The following ATP10B variants were observed in gnomAD, a reference collection of about 807,000 sequenced individuals.
ATP10B encodes ATPase phospholipid transporting 10B (putative).
In ATP10B, 122 loss-of-function variants were observed where a neutral mutation model predicts 141.2. The observed-to-expected ratio is 0.86, with a 90% CI of 0.75 to 1.00. The LOEUF is 1.00. ATP10B is among the 50% of genes least tolerant of loss of function. The probability of loss-of-function intolerance (pLI) is 0.00; values close to 1 mark genes in which losing one functional copy is unlikely to be tolerated. For missense variants in ATP10B, 1,876 were observed against 1,825.3 expected (o/e 1.03, Z -0.51); for synonymous variants, 685 against 692.0 (o/e 0.99, Z 0.16).
intron 24 of ATP10B, among the ~76,000 whole-genome samples, chr5:160,570,558 G>A (rs1462526945): frequency 6.6e-6 from 1 of 152,114 alleles, no homozygotes; most frequent in Non-Finnish European, 1.5e-5. Context: ...TTACACACGA[G>A]ATTTAGAGCA....
chr5:160,800,570 T>C (rs1284442473), intron 1 of ATP10B, among the ~76,000 whole-genome samples: 1 of 152,246 alleles, frequency 6.6e-6, no homozygotes, highest in African/African-American at 2.4e-5. Flanking sequence ...CTACAGTGTT[T>C]TGTACAAAGT....
In ATP10B at chr5:160,767,641, C is replaced by A. The variant is rs4921330; in HGVS notation, c.-331+17918G>T. ...TGAGGGTCATGTGTGCAGAACCCCCCCCCCCAAAATAACAGGTTACTCTGA... is the reference window on the plus strand; with the variant it reads ...TGAGGGTCATGTGTGCAGAACCCCCACCCCCAAAATAACAGGTTACTCTGA... On this transcript the variant is annotated intron_variant, in intron 2 of 25. Transcript: ENST00000327245. Among the ~76,000 whole-genome samples, 81 of 114,182 alleles carry A rather than the reference C, an allele frequency of 7.1e-4. 12 individuals are homozygous for A. Among genetic ancestry groups the A allele is most frequent in the Middle Eastern group, 5.0e-3 (1 of 200 alleles). The allele number at this position is 114,182 out of a possible 152,430, so 74.9% of individuals were successfully genotyped here. A position where few individuals can be genotyped will look rare whatever the true frequency, so the allele number is the denominator to read the frequency against.
chr5:160,749,706 T>C (rs986150470), intron 2 of ATP10B, among the ~76,000 whole-genome samples: 1 of 152,178 alleles, frequency 6.6e-6, no homozygotes, highest in Non-Finnish European at 1.5e-5. Context: ...GTTCAGCCTT[T>C]GAAGAAAAGC....
chr5:160,789,678 G>T (rs868614285), intron 1 of ATP10B, among the ~76,000 whole-genome samples: 1 of 152,142 alleles, frequency 6.6e-6, no homozygotes, highest in Admixed American at 6.6e-5. Context: ...AATGCCAAGC[G>T]TAATTATTGG....
At chr5:160,644,337 A>G in intron 8 of ATP10B, 93 bp from the exon 9 acceptor site, 1 of 836,948 alleles carries the variant, frequency 1.2e-6, no homozygotes, top group Non-Finnish European at 2.1e-6. Flanking sequence ...GTGAGTGAAC[A>G]TGATCCCTCT....
intron 2 of ATP10B, among the ~76,000 whole-genome samples, chr5:160,767,855 C>T (rs1181023900): frequency 6.6e-6 from 1 of 151,980 alleles, no homozygotes; most frequent in Non-Finnish European, 1.5e-5. Context: ...AACTTGGTAT[C>T]CTTGGTAATT....
intron 13 of ATP10B, among the ~76,000 whole-genome samples, chr5:160,628,392 A>G (rs1758721404): frequency 1.3e-5 from 2 of 152,228 alleles, no homozygotes; most frequent in Admixed American, 1.3e-4. Context: ...GATTCTGTGT[A>G]CTTGGCTAAT....
At chr5:160,723,618 T>C (rs1222298178) in intron 2 of ATP10B, among the ~76,000 whole-genome samples, 1 of 152,192 alleles carries the variant, frequency 6.6e-6, no homozygotes, top group African/African-American at 2.4e-5. Context: ...GTGTCATTCT[T>C]ATTTCTCTCT....
chr5:160,893,540 G>A, the ATP10B span, among the ~76,000 whole-genome samples: 1 of 152,194 alleles, frequency 6.6e-6, no homozygotes, highest in Non-Finnish European at 1.5e-5. Context: ...AAAGGCAGCA[G>A]CCCCAATCAA....
chr5:160,606,931 G>T lies in ATP10B; in HGVS notation c.2994C>A (p.Ile998=), dbSNP rs372284579. 1.6e-5 allele frequency: 26 copies of T among 1,614,118 alleles called. No homozygotes were observed. Among genetic ancestry groups the T allele is most frequent in the Non-Finnish European group, 2.1e-5 (25 of 1,180,020 alleles). The part of the protein sequence containing the change: ...EAVVPEAGLV[I]DGKTLNAIFQ... ...AGATGGCATTCAATGTCTTCCCATC[G>T]ATGACCAATCCAGCTTCTGGAACCA... is the stretch of plus-strand genomic sequence containing the variant. The change falls in exon 19 of 26, where the codon ATC becomes ATA. Residue 998 remains isoleucine, a synonymous_variant. Transcript: ENST00000327245.
At chr5:160,700,429 T>C (rs1166859969) in intron 3 of ATP10B, among the ~76,000 whole-genome samples, 1 of 152,214 alleles carries the variant, frequency 6.6e-6, no homozygotes, top group Non-Finnish European at 1.5e-5. Flanking sequence ...CCTCGACTTA[T>C]GTCAAGTCCA....
Position 160,836,133 on chromosome 5 carries a change from A to T in ATP10B, c.-576+15808T>A, listed in dbSNP as rs192463775. ...GAGGGAGGGAGGTAAATGATGAGAG[A>T]TTATTTAATGAGTACAATGTATATT... is the stretch of plus-strand genomic sequence containing the variant. On this transcript the variant is annotated intron_variant, in intron 1 of 25. Transcript: ENST00000327245. Among the ~76,000 whole-genome samples, 10 of 152,206 alleles carry T rather than the reference A, an allele frequency of 6.6e-5. No homozygotes were observed. In the East Asian group the frequency reaches 1.7e-3, roughly 26 times the overall value.
intron 7 of ATP10B, among the ~76,000 whole-genome samples, chr5:160,664,704 T>C (rs1762215206): frequency 6.6e-6 from 1 of 152,176 alleles, no homozygotes; most frequent in Non-Finnish European, 1.5e-5. Flanking sequence ...CCGCAGATCA[T>C]ACTTGGCATA....
chr5:160,631,536 T>C (rs1212274485), intron 13 of ATP10B, among the ~76,000 whole-genome samples: 2 of 152,262 alleles, frequency 1.3e-5, no homozygotes, highest in Non-Finnish European at 2.9e-5. Context: ...ATAGATATTA[T>C]TTACTTCATA....
intron 1 of ATP10B, among the ~76,000 whole-genome samples, chr5:160,795,136 A>C (rs184471362): frequency 6.6e-6 from 1 of 152,222 alleles, no homozygotes; most frequent in Non-Finnish European, 1.5e-5. Context: ...TATGGTACAT[A>C]AGCTATTTCA....
At position 160,782,055 on chromosome 5, in the gene ATP10B, A is replaced by C. The variant is rs559899799; in HGVS notation, c.-331+3504T>G. On this transcript the variant is annotated intron_variant, in intron 2 of 25. Transcript: ENST00000327245. ...CAAAAGAGATACTGGGGGTTGAGTA[A>C]GGAGATTGGGAAGATAATAGATTCC... Among the ~76,000 whole-genome samples, 6 of 152,332 alleles carry C rather than the reference A, an allele frequency of 3.9e-5. No individual in the cohort carries two copies. In the South Asian group the frequency reaches 8.3e-4, roughly 21 times the overall value.
chr5:160,807,429 CAG>C (rs777160656), intron 1 of ATP10B, among the ~76,000 whole-genome samples: 14 of 152,038 alleles, frequency 9.2e-5, no homozygotes, highest in Non-Finnish European at 1.9e-4. Flanking sequence ...GCTGAGCACA[CAG>C]AGAATATTTA....
At chr5:160,598,666 G>T in intron 22 of ATP10B, 104 bp downstream of exon 22, 1 of 994,086 alleles carries the variant, frequency 1.0e-6, no homozygotes. Flanking sequence ...CAGAATGCAG[G>T]CTTCTGACCC....
At chr5:160,608,813 T>C (rs1757549793) in intron 18 of ATP10B, among the ~76,000 whole-genome samples, 1 of 152,246 alleles carries the variant, frequency 6.6e-6, no homozygotes, top group Admixed American at 6.5e-5. Context: ...TTAAGTTCTT[T>C]GTAGATTCTG....
Sources: allele counts gnomAD v4.1 joint callset (sites outside exome capture counted in the v4.1 genomes callset), GRCh38; gene constraint gnomAD v4.1.1; transcripts MANE v1.5; gene names NCBI Gene and HGNC (gene_info 2026-07-23, HGNC 2026-07-21).